The following XKR4 variants were observed in gnomAD, a reference collection of about 807,000 sequenced individuals.
XKR4 encodes XK related 4.
Under a neutral mutation model 53.9 loss-of-function variants are expected in XKR4, and 12 were observed. The ratio of observed to expected loss-of-function variants is 0.22; its 90% CI spans 0.14 to 0.36. The LOEUF (loss-of-function observed/expected upper bound fraction) is 0.36. Among genes scored for constraint, XKR4 ranks in the 10% least tolerant of loss-of-function variants. The pLI, the probability that XKR4 is intolerant of heterozygous loss-of-function variation, is 1.00. For synonymous variants in XKR4, 354 were observed against 362.4 expected (o/e 0.98, Z 0.26); for missense variants, 799 against 859.5 (o/e 0.93, Z 0.88).
At chr8:55,181,212 C>T (rs1817306023) in intron 1 of XKR4, among the ~76,000 whole-genome samples, 1 of 152,114 alleles carries the variant, frequency 6.6e-6, no homozygotes, top group African/African-American at 2.4e-5. Context: ...CTAGATTCTC[C>T]AGCTCATCCT....
intron 1 of XKR4, among the ~76,000 whole-genome samples, chr8:55,198,197 G>A (rs1817530148): frequency 6.6e-6 from 1 of 152,144 alleles, no homozygotes; most frequent in African/African-American, 2.4e-5. Context: ...GGGTCTCCGT[G>A]GCCTGAGACC....
intron 1 of XKR4, among the ~76,000 whole-genome samples, chr8:55,225,353 C>T (rs1037611107): frequency 7.2e-5 from 11 of 152,152 alleles, no homozygotes; most frequent in South Asian, 2.1e-4. Flanking sequence ...TTAGAAATTA[C>T]GCTTTAGGTG....
chr8:55,164,603 T>C (rs1817038830), intron 1 of XKR4: 2 of 339,394 alleles, frequency 5.9e-6, no homozygotes, highest in Admixed American at 3.8e-5. Flanking sequence ...CTGAGATGGC[T>C]GGACAGCAAG....
At chr8:55,341,824 G>A (rs1803552265) in intron 1 of XKR4, among the ~76,000 whole-genome samples, 1 of 152,052 alleles carries the variant, frequency 6.6e-6, no homozygotes, top group African/African-American at 2.4e-5. Flanking sequence ...GCCGCCTGAT[G>A]TATTTAAGCA....
rs1039208723 is a variant in XKR4 at position 55,531,160 on chromosome 8, G to A, written c.*6933G>A. On this transcript the variant is annotated 3_prime_UTR_variant, in exon 3 of 3. Transcript: ENST00000327381. ...GGGGATATGTTCTGAGATATGCATCGTCAGGCAATTTTGTCATTGTGTGAT... is the reference window on the plus strand; with the variant it reads ...GGGGATATGTTCTGAGATATGCATCATCAGGCAATTTTGTCATTGTGTGAT... 6 of 152,208 alleles carry A rather than the reference G, an allele frequency of 3.9e-5. No homozygotes were observed. Among genetic ancestry groups the A allele is most frequent in the South Asian group, 2.1e-4 (1 of 4,824 alleles). 9.4% of individuals were successfully genotyped at this position (152,208 alleles called of 1,614,324 possible).
chr8:55,117,237 T>A (rs1816322620), intron 1 of XKR4, among the ~76,000 whole-genome samples: 1 of 152,042 alleles, frequency 6.6e-6, no homozygotes, highest in Admixed American at 6.6e-5. Context: ...AAGAGGGAAA[T>A]CCAAAGTGAA....
chr8:55,410,805 TA>T (rs534097071), intron 2 of XKR4, among the ~76,000 whole-genome samples: 48 of 152,300 alleles, frequency 3.2e-4, no homozygotes, highest in African/African-American at 1.1e-3. Context: ...GTCTGCAGAA[TA>T]AAATCCACCC....
intron 2 of XKR4, among the ~76,000 whole-genome samples, chr8:55,382,832 G>A (rs1804255087): frequency 6.6e-6 from 1 of 152,040 alleles, no homozygotes; most frequent in South Asian, 2.1e-4. Context: ...TATTCTTATG[G>A]ATAGGTGAAT....
chr8:55,473,213 T>G (rs1805916446), intron 2 of XKR4, among the ~76,000 whole-genome samples: 1 of 152,158 alleles, frequency 6.6e-6, no homozygotes, highest in South Asian at 2.1e-4. Flanking sequence ...ACCTTCTGTA[T>G]AGTTCCTTAT....
intron 2 of XKR4, among the ~76,000 whole-genome samples, chr8:55,479,049 C>A (rs1352764108): frequency 1.3e-5 from 2 of 152,064 alleles, no homozygotes; most frequent in Non-Finnish European, 2.9e-5. Flanking sequence ...ACCACGCGGA[C>A]CTAATAGACA....
intron 2 of XKR4, among the ~76,000 whole-genome samples, chr8:55,508,934 A>G (rs1381261712): frequency 8.5e-5 from 13 of 152,178 alleles, no homozygotes; most frequent in Admixed American, 3.9e-4. Flanking sequence ...CATTTTTCCA[A>G]TGAAAGGAGA....
At chr8:55,248,846 G>A (rs928724011) in intron 1 of XKR4, among the ~76,000 whole-genome samples, 1 of 151,916 alleles carries the variant, frequency 6.6e-6, no homozygotes, top group East Asian at 1.9e-4. Context: ...GTGACATCCC[G>A]TAGACTTGTG....
At chr8:55,298,806 T>C (rs1452372720) in intron 1 of XKR4, among the ~76,000 whole-genome samples, 2 of 152,172 alleles carry the variant, frequency 1.3e-5, no homozygotes, top group African/African-American at 4.8e-5. Context: ...GTCATGCAAA[T>C]ATAAACACAT....
At chr8:55,110,925 T>A (rs1296375336) in intron 1 of XKR4, among the ~76,000 whole-genome samples, 1 of 152,156 alleles carries the variant, frequency 6.6e-6, no homozygotes, top group East Asian at 1.9e-4. Context: ...ATAGAACTGA[T>A]ATAGATTGCT....
At chr8:55,378,044 A>G (rs1481647712) in intron 2 of XKR4, among the ~76,000 whole-genome samples, 1 of 152,246 alleles carries the variant, frequency 6.6e-6, no homozygotes, top group Non-Finnish European at 1.5e-5. Flanking sequence ...ATTAAAAGTA[A>G]CAGGGCTTGA....
rs570783537 is a variant in XKR4, at chr8:55,164,799, C to T, written c.806+61505C>T. 7 of 196,690 alleles carry T rather than the reference C, an allele frequency of 3.6e-5. No individual in the cohort carries two copies. In the East Asian group the frequency reaches 7.4e-4, roughly 21 times the overall value. The allele number at this position is 196,690 out of a possible 1,614,324, so 12.2% of individuals were successfully genotyped here. A position where few individuals can be genotyped will look rare whatever the true frequency, so the allele number is the denominator to read the frequency against. On this transcript the variant is annotated intron_variant, in intron 1 of 2. Transcript: ENST00000327381. Reference sequence around the variant, plus strand: ...AAGTTCACACACACATACACACACACACACACACACACACACGTTCAGCAG... The same window carrying T: ...AAGTTCACACACACATACACACACATACACACACACACACACGTTCAGCAG...
At chr8:55,271,605 A>G (rs962304514) in intron 1 of XKR4, among the ~76,000 whole-genome samples, 1 of 152,248 alleles carries the variant, frequency 6.6e-6, no homozygotes, top group African/African-American at 2.4e-5. Context: ...AAAGCTTTAT[A>G]GCGGAGAAAC....
intron 2 of XKR4, 49 bp from the exon 3 acceptor site, chr8:55,523,232 A>G (rs1806825739): frequency 6.7e-7 from 1 of 1,497,748 alleles, no homozygotes. Context: ...TCCAGGGGGC[A>G]TTGCTGCAAC....
At chr8:55,519,792 A>G (rs1217651660) in intron 2 of XKR4, among the ~76,000 whole-genome samples, 1 of 152,226 alleles carries the variant, frequency 6.6e-6, no homozygotes, top group Admixed American at 6.5e-5. Flanking sequence ...TAGGAAATAA[A>G]CACTGGCATA....
Sources: allele counts gnomAD v4.1 joint callset (sites outside exome capture counted in the v4.1 genomes callset), GRCh38; gene constraint gnomAD v4.1.1; transcripts MANE v1.5; gene names NCBI Gene and HGNC (gene_info 2026-07-23, HGNC 2026-07-21).